Variants in ZNF354B observed in about 807,000 individuals in gnomAD.
The protein encoded by ZNF354B is zinc finger protein 354B.
ZNF354B carries 10 observed loss-of-function variants against 12.9 expected under a neutral mutation model. The ratio of observed to expected loss-of-function variants is 0.77; its 90% CI spans 0.48 to 1.31. The LOEUF (loss-of-function observed/expected upper bound fraction) is 1.31. Ranked by LOEUF, ZNF354B falls within the 40% of genes most tolerant of loss-of-function variation. The pLI is 0.00. For missense variants in ZNF354B, 614 were observed against 711.7 expected (o/e 0.86, Z 1.56); for synonymous variants, 260 against 243.7 (o/e 1.07, Z -0.62).
intron 2 of ZNF354B, among the ~76,000 whole-genome samples, chr5:178,861,391 A>G (rs1418355688): frequency 6.6e-6 from 1 of 151,916 alleles, no homozygotes; most frequent in Non-Finnish European, 1.5e-5. Flanking sequence ...TGCCTCCTCC[A>G]CTCACCCATG....
intron 4 of ZNF354B, among the ~76,000 whole-genome samples, chr5:178,874,505 G>C (rs562964839): frequency 4.3e-4 from 65 of 152,264 alleles, no homozygotes; most frequent in Admixed American, 2.8e-3. Context: ...TTTGAGCTCT[G>C]AGATTTTTTC....
intron 2 of ZNF354B, among the ~76,000 whole-genome samples, chr5:178,861,337 C>T (rs1431187410): frequency 1.3e-5 from 2 of 150,544 alleles, no homozygotes; most frequent in Non-Finnish European, 3.0e-5. Flanking sequence ...TACCACAAGT[C>T]TGTCTGTCAC....
intron 4 of ZNF354B, among the ~76,000 whole-genome samples, chr5:178,871,669 T>C (rs888917951): frequency 6.6e-6 from 1 of 152,112 alleles, no homozygotes; most frequent in Non-Finnish European, 1.5e-5. Context: ...ACTAGGTTAG[T>C]GGTGTTGGAG....
At chr5:178,860,330 C>T (rs1174334996) in intron 1 of ZNF354B, among the ~76,000 whole-genome samples, 1 of 151,914 alleles carries the variant, frequency 6.6e-6, no homozygotes, top group Non-Finnish European at 1.5e-5. Context: ...CTCGCGCCGC[C>T]CGCCGTGAAC....
rs1208397314 is a variant in ZNF354B at position 178,883,093 on chromosome 5, A to G, written c.641A>G (p.Tyr214Cys). ...AAAATCAAAACAGCAGAGAAACGCTATAAATGCAGTACATGTGAAAAAGCC... is the reference window on the plus strand; with the variant it reads ...AAAATCAAAACAGCAGAGAAACGCTGTAAATGCAGTACATGTGAAAAAGCC... Reference protein sequence around the residue: ...QSKIKTAEKRYKCSTCEKAFI... With the variant: ...QSKIKTAEKRCKCSTCEKAFI... Residue 214 changes from tyrosine to cysteine, a missense_variant, in exon 5 of 5, where the codon TAT becomes TGT. Physicochemically the swap from Tyr to Cys is radical, Grantham distance 194. Transcript: ENST00000322434. 3.1e-6 allele frequency: 5 copies of G among 1,609,508 alleles called. No homozygotes were observed. The highest frequency in any genetic ancestry group is 1.3e-5 in the African/African-American group (1 of 74,558).
chr5:178,884,450 C>T lies in ZNF354B; in HGVS notation c.*159C>T. On this transcript the variant is annotated 3_prime_UTR_variant, in exon 5 of 5. Coordinates refer to ENST00000322434, the MANE Select transcript of ZNF354B (RefSeq NM_058230.3). Reference sequence around the variant, plus strand: ...GGGAAAAGCTTTTATACTTGTCACTCACTTTTTAAAATATCCCGAGACAGT... The same window carrying T: ...GGGAAAAGCTTTTATACTTGTCACTTACTTTTTAAAATATCCCGAGACAGT... The T allele has an allele frequency of 2.7e-6, 2 of 745,856 alleles. No homozygotes were observed. Among genetic ancestry groups the T allele is most frequent in the Non-Finnish European group, 4.1e-6 (2 of 490,918 alleles). 46.2% of individuals were successfully genotyped at this position (745,856 alleles called of 1,614,324 possible).
rs1034316251 is a variant in ZNF354B at position 178,883,929 on chromosome 5, C to A, written c.1477C>A (p.Pro493Thr). 1 of 1,613,946 alleles carries A rather than the reference C, an allele frequency of 6.2e-7. No homozygotes were observed. The highest frequency in any genetic ancestry group is 1.7e-5 in the Admixed American group (1 of 60,002). ...TCAGAGAATGCATACTGGAGAAAGA[C>A]CCTATAAGTGTAACGAATGTGACAA... ...QHQRMHTGER[P>T]YKCNECDKTF... The change falls in exon 5 of 5, where the codon CCC becomes ACC. Residue 493 changes from proline to threonine, a missense_variant. Coordinates refer to ENST00000322434, the MANE Select transcript of ZNF354B (RefSeq NM_058230.3).
In ZNF354B at chr5:178,883,567, A is replaced by G. The variant is rs762836908; in HGVS notation, c.1115A>G (p.His372Arg). Residue 372 changes from histidine (H) to arginine (R), a missense_variant, in exon 5 of 5, where the codon CAT (histidine) becomes CGT (arginine). By Grantham distance (29) the His-to-Arg change is conservative. Transcript: ENST00000322434. ...TFKSSSSLRY[H>R]QRIHTGEKPF... ...AAGTCTAGCTCATCCCTTCGTTATC[A>G]TCAGAGAATTCACACTGGAGAGAAG... The G allele has an allele frequency of 1.2e-6, 2 of 1,614,128 alleles. No individual in the cohort carries two copies. Among genetic ancestry groups the G allele is most frequent in the African/African-American group, 1.3e-5 (1 of 75,066 alleles).
Position 178,882,853 on chromosome 5 carries a change from A to G in ZNF354B, c.401A>G (p.Gln134Arg), listed in dbSNP as rs772237193. 5 of 1,607,518 alleles carry G rather than the reference A, an allele frequency of 3.1e-6. No homozygotes were observed. Among genetic ancestry groups the G allele is most frequent in the South Asian group, 2.3e-5 (2 of 88,418 alleles). ...SCIYEEKLKK[Q>R]QDKNENLQII... ...ATATATGAAGAGAAATTAAAGAAAC[A>G]GCAGGACAAAAATGAAAATTTACAA... The change falls in exon 5 of 5, where the codon CAG becomes CGG. Residue 134 changes from glutamine (Q) to arginine (R), a missense_variant. Coordinates refer to ENST00000322434, the MANE Select transcript of ZNF354B (RefSeq NM_058230.3).
At chr5:178,867,691 T>C (rs1293949501) in intron 4 of ZNF354B, among the ~76,000 whole-genome samples, 1 of 152,110 alleles carries the variant, frequency 6.6e-6, no homozygotes, top group Non-Finnish European at 1.5e-5. Flanking sequence ...TTACAGAGCA[T>C]TGTTGGGACG....
intron 4 of ZNF354B, among the ~76,000 whole-genome samples, chr5:178,877,749 G>T (rs1011824519): frequency 6.6e-6 from 1 of 152,180 alleles, no homozygotes; most frequent in Admixed American, 6.5e-5. Flanking sequence ...GAGATGAGGA[G>T]ATTGGAGATG....
chr5:178,876,194 G>A (rs1047461510), intron 4 of ZNF354B, among the ~76,000 whole-genome samples: 4 of 152,246 alleles, frequency 2.6e-5, no homozygotes, highest in African/African-American at 9.6e-5. Flanking sequence ...TCCAACTGAA[G>A]CATTCAGGTA....
chr5:178,883,182 T>C lies in ZNF354B; in HGVS notation c.730T>C (p.Cys244Arg), dbSNP rs1273385216. ...CCACACTGGAGAAAAATTATTTAAATGTAAAGAATGTTTAAAAGCTTTCAG... is the reference window on the plus strand; with the variant it reads ...CCACACTGGAGAAAAATTATTTAAACGTAAAGAATGTTTAAAAGCTTTCAG... ...KNHTGEKLFK[C>R]KECLKAFSQS... is the part of the protein sequence containing the mutation. The change falls in exon 5 of 5, where the codon TGT becomes CGT. Residue 244 changes from cysteine (C) to arginine (R), a missense_variant. Transcript: ENST00000322434. 12 of 1,613,524 alleles carry C rather than the reference T, an allele frequency of 7.4e-6. No individual in the cohort carries two copies. Among genetic ancestry groups the C allele is most frequent in the Non-Finnish European group, 1.0e-5 (12 of 1,179,872 alleles).
intron 2 of ZNF354B, among the ~76,000 whole-genome samples, chr5:178,862,378 T>C (rs1757371009): frequency 6.7e-6 from 1 of 148,970 alleles, no homozygotes; most frequent in Admixed American, 6.7e-5. Flanking sequence ...TTTTTTTTTT[T>C]TTTTTTGAGA....
intron 4 of ZNF354B, among the ~76,000 whole-genome samples, chr5:178,870,420 G>A (rs1757543204): frequency 6.6e-6 from 1 of 152,130 alleles, no homozygotes; most frequent in African/African-American, 2.4e-5. Context: ...GGGATCACAG[G>A]CACACGCCAC....
chr5:178,864,668 G>A (rs983312339), intron 2 of ZNF354B, among the ~76,000 whole-genome samples: 1 of 151,528 alleles, frequency 6.6e-6, no homozygotes, highest in Admixed American at 6.6e-5. Flanking sequence ...TATCACCAAG[G>A]CTGGAGTGCA....
chr5:178,865,558 C>T (rs1204389465), intron 2 of ZNF354B, among the ~76,000 whole-genome samples: 2 of 152,138 alleles, frequency 1.3e-5, no homozygotes, highest in African/African-American at 4.8e-5. Context: ...TGAGTCACTG[C>T]ACCCAGCCAA....
chr5:178,862,469 C>A (rs6894659), intron 2 of ZNF354B, among the ~76,000 whole-genome samples: 258 of 150,116 alleles, frequency 1.7e-3, no homozygotes, highest in African/African-American at 6.1e-3. Flanking sequence ...CTGGTTCAAG[C>A]AATTCCCCTG....
At position 178,872,625 on chromosome 5, in the gene ZNF354B, T is replaced by C. The variant is rs149397314; in HGVS notation, c.256+5554T>C. 5.2e-3 allele frequency among the ~76,000 whole-genome samples: 799 copies of C among 152,314 alleles called. 6 individuals carry two copies. The highest frequency in any genetic ancestry group is 0.018 in the African/African-American group (761 of 41,556). ...CCAGTAGCATGTGAATGATCCAATG[T>C]TGTTACATCCTTGCCAATATTTTGC... On this transcript the variant is annotated intron_variant, in intron 4 of 4. Transcript: ENST00000322434.
Sources: allele counts gnomAD v4.1 joint callset (sites outside exome capture counted in the v4.1 genomes callset), GRCh38; gene constraint gnomAD v4.1.1; transcripts MANE v1.5; gene names NCBI Gene and HGNC (gene_info 2026-07-23, HGNC 2026-07-21).